NPR1: variants seen among roughly 807,000 people sequenced by gnomAD.
NPR1 encodes the protein atrial natriuretic peptide receptor 1.
A neutral mutation model predicts 116.9 loss-of-function variants in NPR1; 57 were observed. The ratio of observed to expected loss-of-function variants is 0.49; its 90% CI spans 0.39 to 0.61. The LOEUF (loss-of-function observed/expected upper bound fraction) is 0.61. NPR1 is among the 20% of genes least tolerant of loss of function. The pLI is 0.00. For missense variants in NPR1, 1,096 were observed against 1,409.8 expected (o/e 0.78, Z 3.56); for synonymous variants, 555 against 601.6 (o/e 0.92, Z 1.13).
rs779808651 is a variant in NPR1, at chr1:153,689,156, A to C, written c.2565-32A>C. 1 of 1,613,808 alleles carries C rather than the reference A, an allele frequency of 6.2e-7. No individual in the cohort carries two copies. Among genetic ancestry groups the C allele is most frequent in the African/African-American group, 1.3e-5 (1 of 74,858 alleles). ...CACAAAGCCCCTGTCCCGACCCCCA[A>C]CTCTGATCCTGCACCTGCCCTGACC... is the stretch of plus-strand genomic sequence containing the variant. On this transcript the variant is annotated intron_variant, in intron 16 of 21. Coordinates refer to ENST00000368680, the MANE Select transcript of NPR1 (RefSeq NM_000906.4). This position sits in a 1 kb window ranked among gnomAD's most constrained non-coding sequence, Gnocchi z 5.1.
At chr1:153,693,015 C>A in intron 20 of NPR1, 91 bp from the exon 21 acceptor site, 1 of 1,040,388 alleles carries the variant, frequency 9.6e-7, no homozygotes, top group Non-Finnish European at 1.5e-6. Flanking sequence ...GTCCACCTGT[C>A]CACCCCCACA....
chr1:153,687,181 T>A lies in NPR1; in HGVS notation c.1936-19T>A. 1 of 1,613,838 alleles carries A rather than the reference T, an allele frequency of 6.2e-7. No homozygotes were observed. The highest frequency in any genetic ancestry group is 8.5e-7 in the Non-Finnish European group (1 of 1,179,834). On this transcript the variant is annotated intron_variant, in intron 12 of 21. Transcript: ENST00000368680. ...AGGTCCCACTCCTGGCCAATACCTCTGCCCACTCACATTTCCAGGGCATGC... is the reference window on the plus strand; with the variant it reads ...AGGTCCCACTCCTGGCCAATACCTCAGCCCACTCACATTTCCAGGGCATGC...
Position 153,689,122 on chromosome 1 carries a change from C to CT in NPR1, c.2564+23_2564+24insT, listed in dbSNP as rs1670017149. On this transcript the variant is annotated intron_variant, in intron 16 of 21. Transcript: ENST00000368680. This position sits in a 1 kb window ranked among gnomAD's most constrained non-coding sequence, Gnocchi z 5.1. ...TCAGTGAGTGCCTGAGTCTGGGGAC[C>CT]CCCCCCAACACAAAGCCCCTGTCCC... is the stretch of plus-strand genomic sequence containing the variant. 6.2e-7 allele frequency: 1 copy of CT among 1,613,898 alleles called. No homozygotes were observed.
chr1:153,689,579 G>T lies in NPR1; in HGVS notation c.2757+58G>T. ...ACAGACATGGACAAGGTCAGAAAAA[G>T]ATGAGGGGTAGGCAGAATGATGTGG... On this transcript the variant is annotated intron_variant, in intron 18 of 21. Transcript: ENST00000368680. The surrounding 1 kb of genome is among the most constrained non-coding windows in gnomAD (Gnocchi z 5.1). 1.3e-6 allele frequency: 2 copies of T among 1,519,556 alleles called. No individual in the cohort carries two copies. Among genetic ancestry groups the T allele is most frequent in the South Asian group, 2.2e-5 (2 of 89,166 alleles). 94.1% of individuals were successfully genotyped at this position (1,519,556 alleles called of 1,614,324 possible). A position where few individuals can be genotyped will look rare whatever the true frequency, so the allele number is the denominator to read the frequency against.
intron 4 of NPR1, 48 bp from the exon 5 acceptor site, chr1:153,682,450 C>T (rs765152343): frequency 9.8e-6 from 14 of 1,432,646 alleles, no homozygotes; most frequent in East Asian, 2.3e-5. Context: ...TGGGGCACCC[C>T]TGAACTTCTA....
In NPR1 at chr1:153,689,121, C is replaced by T. The variant is rs763147877; in HGVS notation, c.2564+22C>T. ...CTCAGTGAGTGCCTGAGTCTGGGGA[C>T]CCCCCCCAACACAAAGCCCCTGTCC... On this transcript the variant is annotated intron_variant, in intron 16 of 21. Transcript: ENST00000368680. This position sits in a 1 kb window ranked among gnomAD's most constrained non-coding sequence, Gnocchi z 5.1. The T allele has an allele frequency of 1.2e-6, 2 of 1,610,336 alleles. No homozygotes were observed. Among genetic ancestry groups the T allele is most frequent in the Non-Finnish European group, 1.7e-6 (2 of 1,177,892 alleles).
At position 153,679,514 on chromosome 1, in the gene NPR1, C is replaced by A. The variant is rs1222812758; in HGVS notation, c.406C>A (p.Leu136Met). ...CTTCACCGCGCACTGGCGGGTCCCGCTGCTGACCGCCGGCGCCCCGGCGCT... is the reference window on the plus strand; with the variant it reads ...CTTCACCGCGCACTGGCGGGTCCCGATGCTGACCGCCGGCGCCCCGGCGCT... Reference protein sequence around the residue: ...GRFTAHWRVPLLTAGAPALGF... With the variant: ...GRFTAHWRVPMLTAGAPALGF... Residue 136 changes from leucine to methionine, a missense_variant, in exon 1 of 22, where the codon CTG becomes ATG. Physicochemically the swap from Leu to Met is conservative, Grantham distance 15. Transcript: ENST00000368680. The surrounding 1 kb of genome is among the most constrained non-coding windows in gnomAD (Gnocchi z 4.2). 2.0e-6 allele frequency: 3 copies of A among 1,535,742 alleles called. No homozygotes were observed. Among genetic ancestry groups the A allele is most frequent in the Non-Finnish European group, 1.7e-6 (2 of 1,145,812 alleles).
Position 153,689,334 on chromosome 1 carries a change from G to A in NPR1, c.2688+23G>A. On this transcript the variant is annotated intron_variant, in intron 17 of 21. Coordinates refer to ENST00000368680, the MANE Select transcript of NPR1 (RefSeq NM_000906.4). This position sits in a 1 kb window ranked among gnomAD's most constrained non-coding sequence, Gnocchi z 5.1. ...CAGGTAGGCCAGGGTTCAGCCACAG[G>A]TGCCAGGCAAGCTCAGCATCTGGAT... 6.2e-7 allele frequency: 1 copy of A among 1,614,180 alleles called. No homozygotes were observed. The highest frequency in any genetic ancestry group is 8.5e-7 in the Non-Finnish European group (1 of 1,180,032).
chr1:153,693,568 A>G lies in NPR1; in HGVS notation c.*154A>G, dbSNP rs558672251. Reference sequence around the variant, plus strand: ...GCTGACCCCAGTGAAGACACCAGATAGGACCTCTGAGAGGGGACTGGCATG... The same window carrying G: ...GCTGACCCCAGTGAAGACACCAGATGGGACCTCTGAGAGGGGACTGGCATG... On this transcript the variant is annotated 3_prime_UTR_variant, in exon 22 of 22. Coordinates refer to ENST00000368680, the MANE Select transcript of NPR1 (RefSeq NM_000906.4). The G allele has an allele frequency of 1.0e-3, 632 of 629,624 alleles. 1 individual carries two copies. Among genetic ancestry groups the G allele is most frequent in the Non-Finnish European group, 1.5e-3 (556 of 372,992 alleles). The allele number at this position is 629,624 out of a possible 1,614,324, so 39.0% of individuals were successfully genotyped here.
intron 20 of NPR1, among the ~76,000 whole-genome samples, chr1:153,690,590 C>T (rs1670079510): frequency 6.6e-6 from 1 of 152,014 alleles, no homozygotes; most frequent in Admixed American, 6.6e-5. Flanking sequence ...TCTTGTCAAA[C>T]GATGTAAAAG....
In NPR1 at chr1:153,693,215, T is replaced by C. The variant is rs1160466513; in HGVS notation, c.3123+18T>C. ...AAATGAAGGTAGAGGGAGAAGCCTC[T>C]GCCCTCCCCACCTTTTGGGGTCCTA... is the stretch of plus-strand genomic sequence containing the variant. On this transcript the variant is annotated intron_variant, in intron 21 of 21. Coordinates refer to ENST00000368680, the MANE Select transcript of NPR1 (RefSeq NM_000906.4). 6.2e-7 allele frequency: 1 copy of C among 1,611,796 alleles called. No individual in the cohort carries two copies. The highest frequency in any genetic ancestry group is 1.7e-5 in the Admixed American group (1 of 59,962).
chr1:153,681,181 CT>C lies in NPR1; in HGVS notation c.924del (p.Ala309ProfsTer18). 1 of 1,597,466 alleles carries C rather than the reference CT, an allele frequency of 6.3e-7. No individual in the cohort carries two copies. The highest frequency in any genetic ancestry group is 8.6e-7 in the Non-Finnish European group (1 of 1,164,818). On this transcript the variant is annotated frameshift_variant and splice_region_variant, in exon 3 of 22. Transcript: ENST00000368680. LOFTEE classifies it high-confidence loss of function. ...GCTCTCCACTGACCCCTTTCTCAGG[CT>C]GCCAAAATCATTACATATAAAGACC... ...QDVSARQAFQ[A>X]AKIITYKDPD...
chr1:153,685,702 A>AGATAAGGCAG (rs1669907116), intron 8 of NPR1, 104 bp from the exon 9 acceptor site: 1 of 872,016 alleles, frequency 1.1e-6, no homozygotes, highest in Non-Finnish European at 1.9e-6. Context: ...GGTGACACAA[A>AGATAAGGCAG]GATAAGGCAG....
rs1669947673 is a variant in NPR1, at chr1:153,686,856, G to A, written c.1863+106G>A. 6.2e-6 allele frequency: 8 copies of A among 1,284,064 alleles called. No homozygotes were observed. In the South Asian group the frequency reaches 6.5e-5, roughly 10 times the overall value. The allele number at this position is 1,284,064 out of a possible 1,614,324, so 79.5% of individuals were successfully genotyped here. On this transcript the variant is annotated intron_variant, in intron 11 of 21. Transcript: ENST00000368680. Reference sequence around the variant, plus strand: ...CCTCGCCCTCTTTCTGACCTTTCTGGCCCCATCTGTAAAAATGGGAGTTGG... The same window carrying A: ...CCTCGCCCTCTTTCTGACCTTTCTGACCCCATCTGTAAAAATGGGAGTTGG...
intron 14 of NPR1, 68 bp from the exon 15 acceptor site, chr1:153,687,985 G>T (rs1669978492): frequency 8.3e-7 from 1 of 1,210,602 alleles, no homozygotes; most frequent in South Asian, 1.4e-5. Flanking sequence ...ATCTCAGCTG[G>T]TTGCCCCAGT....
At position 153,679,000 on chromosome 1, in the gene NPR1, T is replaced by A. The variant is rs1669678446; in HGVS notation, c.-109T>A. The A allele has an allele frequency of 7.7e-7, 1 of 1,297,206 alleles. No individual in the cohort carries two copies. Among genetic ancestry groups the A allele is most frequent in the Non-Finnish European group, 9.9e-7 (1 of 1,007,190 alleles). The allele number at this position is 1,297,206 out of a possible 1,614,324, so 80.4% of individuals were successfully genotyped here. A position where few individuals can be genotyped will look rare whatever the true frequency, so the allele number is the denominator to read the frequency against. On this transcript the variant is annotated 5_prime_UTR_variant, in exon 1 of 22. Transcript: ENST00000368680. The surrounding 1 kb of genome is among the most constrained non-coding windows in gnomAD (Gnocchi z 5.8). Reference sequence around the variant, plus strand: ...GGGGTGAGCGTCCCCGTCCCGCTCCTGCTCCTTCCCATAGGGACGCGCCTG... The same window carrying A: ...GGGGTGAGCGTCCCCGTCCCGCTCCAGCTCCTTCCCATAGGGACGCGCCTG...
intron 21 of NPR1, 70 bp from the exon 22 acceptor site, chr1:153,693,282 C>T (rs1267300052): frequency 6.2e-7 from 1 of 1,600,844 alleles, no homozygotes; most frequent in East Asian, 2.2e-5. Flanking sequence ...CACTCCCATC[C>T]CTAAGGCTCT....
intron 20 of NPR1, among the ~76,000 whole-genome samples, 166 bp downstream of exon 20, chr1:153,690,548 CT>C (rs983718994): frequency 6.6e-6 from 1 of 152,114 alleles, no homozygotes; most frequent in Non-Finnish European, 1.5e-5. Context: ...ATCAACTTGA[CT>C]GTAACCAGAG....
chr1:153,688,945 G>A lies in NPR1; in HGVS notation c.2418-8G>A, dbSNP rs771652966. On this transcript the variant is annotated splice_region_variant and splice_polypyrimidine_tract_variant and intron_variant, in intron 15 of 21. Transcript: ENST00000368680. Reference sequence around the variant, plus strand: ...CTTACCACCCCCACCGCCACCCTCTGCCCCCAGGGAGAACAGCAGCAACAT... The same window carrying A: ...CTTACCACCCCCACCGCCACCCTCTACCCCCAGGGAGAACAGCAGCAACAT... 1 of 1,613,904 alleles carries A rather than the reference G, an allele frequency of 6.2e-7. No individual in the cohort carries two copies. The highest frequency in any genetic ancestry group is 1.1e-5 in the South Asian group (1 of 91,066).
Sources: gnomAD v4.1 joint callset for allele counts (sites outside exome capture counted in the v4.1 genomes callset) on GRCh38, gnomAD v4.1.1 for gene constraint, Gnocchi (gnomAD v3.1) non-coding constraint, MANE v1.5 for transcripts, NCBI Gene and HGNC (gene_info 2026-07-23, HGNC 2026-07-21) for gene names.